ANKS1B: variants seen among roughly 807,000 people sequenced by gnomAD.
The protein encoded by ANKS1B is ankyrin repeat and sterile alpha motif domain containing 1B.
Under a neutral mutation model 148.3 loss-of-function variants are expected in ANKS1B, and 36 were observed. The ratio of observed to expected loss-of-function variants is 0.24; its 90% confidence interval spans 0.19 to 0.32. The LOEUF (loss-of-function observed/expected upper bound fraction) is 0.32. ANKS1B is among the 10% of genes least tolerant of loss of function. The probability of loss-of-function intolerance (pLI) is 1.00; values close to 1 mark genes in which losing one functional copy is unlikely to be tolerated. For missense variants in ANKS1B, 1,157 were observed against 1,542.6 expected, an observed-to-expected ratio of 0.75 and a Z score of 4.19; for synonymous variants, 542 against 560.8, an observed-to-expected ratio of 0.97 and a Z score of 0.47.
chr12:99,016,978 G>C (rs911353366), intron 17 of ANKS1B, among the ~76,000 whole-genome samples: 6 of 152,158 alleles, frequency 3.9e-5, no homozygotes, highest in Admixed American at 3.9e-4. Context: ...ACTTAGTAAA[G>C]AGTCTTGCTT....
intron 25 of ANKS1B, among the ~76,000 whole-genome samples, chr12:98,772,331 C>T (rs544314812): frequency 1.3e-5 from 2 of 152,080 alleles, no homozygotes; most frequent in African/African-American, 2.4e-5. Context: ...GAAATTTGGA[C>T]CCAGACATCT....
At position 99,073,784 on chromosome 12, in the gene ANKS1B, G is replaced by T. The variant is rs537725666; in HGVS notation, c.2625+11141C>A. ...TAGTCAATTGGTTCTTTCATTTCCT[G>T]TCCCTTTTCAGTTTCTTTCACAAAC... On this transcript the variant is annotated intron_variant, in intron 16 of 26. Transcript: ENST00000683438. Among the ~76,000 whole-genome samples, 22 of 152,240 alleles carry T rather than the reference G, an allele frequency of 1.4e-4. 1 individual carries two copies. Among genetic ancestry groups the T allele is most frequent in the East Asian group, 1.2e-3 (6 of 5,184 alleles).
intron 9 of ANKS1B, among the ~76,000 whole-genome samples, chr12:99,516,590 G>A (rs375920785): frequency 3.9e-5 from 6 of 152,122 alleles, no homozygotes; most frequent in East Asian, 3.9e-4. Flanking sequence ...ACCCTGTCAG[G>A]GAGGCAGGGG....
At chr12:99,715,035 A>T (rs2057123547) in intron 8 of ANKS1B, among the ~76,000 whole-genome samples, 1 of 152,064 alleles carries the variant, frequency 6.6e-6, no homozygotes, top group Non-Finnish European at 1.5e-5. Flanking sequence ...AGGCTAAGGC[A>T]GGAGAATAGC....
chr12:99,956,483 T>G (rs12369047), intron 1 of ANKS1B, among the ~76,000 whole-genome samples: 10,184 of 152,250 alleles, frequency 0.067, 403 homozygotes, highest in Non-Finnish European at 0.081. Context: ...AAATGCTAAT[T>G]GGTTTAGCAT....
At chr12:99,502,943 C>T (rs2096670035) in intron 10 of ANKS1B, among the ~76,000 whole-genome samples, 1 of 152,054 alleles carries the variant, frequency 6.6e-6, no homozygotes, top group Middle Eastern at 3.2e-3. Flanking sequence ...ATTTTATTTA[C>T]TTATTTATTT....
chr12:99,277,930 G>A (rs1254590755), intron 12 of ANKS1B, among the ~76,000 whole-genome samples: 1 of 152,208 alleles, frequency 6.6e-6, no homozygotes, highest in East Asian at 1.9e-4. Context: ...ATTTGAACAT[G>A]CTTTGTGATC....
intron 17 of ANKS1B, among the ~76,000 whole-genome samples, chr12:98,875,838 A>G (rs1269830217): frequency 6.6e-6 from 1 of 152,146 alleles, no homozygotes; most frequent in Non-Finnish European, 1.5e-5. Context: ...TGGAGGCAGA[A>G]ATAACCTCTA....
chr12:99,170,834 TA>T (rs1394748920), intron 14 of ANKS1B, among the ~76,000 whole-genome samples: 3 of 152,058 alleles, frequency 2.0e-5, no homozygotes, highest in East Asian at 3.8e-4. Context: ...TATCTAAAAG[TA>T]AAAAGAGAAA....
downstream of ANKS1B, among the ~76,000 whole-genome samples, chr12:98,741,620 T>TGTGA (rs1288293788): frequency 2.6e-5 from 4 of 152,284 alleles, no homozygotes; most frequent in Non-Finnish European, 5.9e-5. Context: ...TTGGAAGGCA[T>TGTGA]GTGAGTTTGC....
intron 17 of ANKS1B, among the ~76,000 whole-genome samples, chr12:98,961,145 A>G (rs983903443): frequency 1.3e-5 from 2 of 152,194 alleles, no homozygotes; most frequent in African/African-American, 2.4e-5. Flanking sequence ...AAAGGTGTAA[A>G]TATTCAAGTG....
intron 15 of ANKS1B, among the ~76,000 whole-genome samples, chr12:99,123,930 T>C (rs2063602663): frequency 6.6e-6 from 1 of 152,100 alleles, no homozygotes; most frequent in African/African-American, 2.4e-5. Context: ...CCAATGAAGT[T>C]GACACTCAAT....
intron 14 of ANKS1B, among the ~76,000 whole-genome samples, chr12:99,170,934 T>C (rs2077688857): frequency 1.3e-5 from 2 of 152,172 alleles, no homozygotes; most frequent in Non-Finnish European, 2.9e-5. Flanking sequence ...TTTTAACATA[T>C]TTTAAATAAA....
chr12:99,329,055 T>A (rs945280959), intron 12 of ANKS1B, among the ~76,000 whole-genome samples: 2 of 151,304 alleles, frequency 1.3e-5, no homozygotes, highest in East Asian at 3.9e-4. Flanking sequence ...TCAGAAAAAA[T>A]AGAATCCAAA....
chr12:99,070,628 T>C (rs1310897970), intron 16 of ANKS1B, among the ~76,000 whole-genome samples: 1 of 152,148 alleles, frequency 6.6e-6, no homozygotes, highest in Non-Finnish European at 1.5e-5. Context: ...GTGTCATGAG[T>C]TATCACAAAC....
chr12:99,279,128 C>G (rs1306054343), intron 12 of ANKS1B, among the ~76,000 whole-genome samples: 1 of 152,184 alleles, frequency 6.6e-6, no homozygotes, highest in Non-Finnish European at 1.5e-5. Flanking sequence ...CCAGGCTGGC[C>G]TTGAATTCCT....
chr12:99,882,800 A>G (rs945298415), intron 1 of ANKS1B, among the ~76,000 whole-genome samples: 3 of 152,340 alleles, frequency 2.0e-5, no homozygotes, highest in South Asian at 2.1e-4. Context: ...CTGAAATCAT[A>G]AGAAGAAAAA....
intron 9 of ANKS1B, among the ~76,000 whole-genome samples, chr12:99,507,662 T>A (rs1440990773): frequency 1.3e-5 from 2 of 151,896 alleles, no homozygotes; most frequent in Non-Finnish European, 2.9e-5. Context: ...TTGTAGAACC[T>A]GGCTTCCTTA....
chr12:99,655,059 A>G lies in ANKS1B; in HGVS notation c.1272+8T>C, dbSNP rs751027168. ...TTTTATTGTACCTTAATAAAAGCAA[A>G]CTTTTACCTGGGCAAGCATGGGGAA... On this transcript the variant is annotated splice_region_variant and intron_variant, in intron 9 of 26. Transcript: ENST00000683438. 1.1e-5 allele frequency: 17 copies of G among 1,553,626 alleles called. No individual in the cohort carries two copies. The East Asian group carries it at 3.6e-4, about 33-fold the overall frequency.
Sources: gnomAD v4.1 joint callset for allele counts (sites outside exome capture counted in the v4.1 genomes callset) on GRCh38, gnomAD v4.1.1 for gene constraint, MANE v1.5 for transcripts, NCBI Gene and HGNC (gene_info 2026-07-23, HGNC 2026-07-21) for gene names.